Variants in COLEC12 observed in about 807,000 individuals in gnomAD.
COLEC12 encodes collectin subfamily member 12.
COLEC12 carries 33 observed loss-of-function variants against 71.1 expected under a neutral mutation model. The ratio of observed to expected loss-of-function variants is 0.46; its 90% CI spans 0.35 to 0.62. COLEC12 has a LOEUF of 0.62. COLEC12 is among the 20% of genes least tolerant of loss of function. The pLI is 0.00. For missense variants in COLEC12, 765 were observed against 916.1 expected, an observed-to-expected ratio of 0.84 and a Z score of 2.13; for synonymous variants, 350 against 353.0, an observed-to-expected ratio of 0.99 and a Z score of 0.10.
intron 2 of COLEC12, among the ~76,000 whole-genome samples, chr18:449,212 T>C (rs919100880): frequency 6.6e-6 from 1 of 152,166 alleles, no homozygotes; most frequent in South Asian, 2.1e-4. Flanking sequence ...TTTTACTCTC[T>C]AAGTTACACA....
intron 2 of COLEC12, among the ~76,000 whole-genome samples, chr18:473,405 C>A (rs181961209): frequency 1.3e-5 from 2 of 152,202 alleles, no homozygotes; most frequent in East Asian, 3.9e-4. Flanking sequence ...CTCTGTTGCC[C>A]AGGCTGGAGT....
intron 2 of COLEC12, among the ~76,000 whole-genome samples, chr18:422,345 C>T (rs755620838): frequency 6.6e-6 from 1 of 152,174 alleles, no homozygotes; most frequent in Non-Finnish European, 1.5e-5. Context: ...TTCCTAAGCC[C>T]TCAGTTCAAT....
chr18:436,946 G>A (rs185003797), intron 2 of COLEC12, among the ~76,000 whole-genome samples: 2 of 152,316 alleles, frequency 1.3e-5, no homozygotes, highest in Non-Finnish European at 2.9e-5. Flanking sequence ...ACGATGAGTA[G>A]CACAATACTT....
At chr18:394,006 G>T (rs1485139677) in intron 2 of COLEC12, among the ~76,000 whole-genome samples, 1 of 152,184 alleles carries the variant, frequency 6.6e-6, no homozygotes, top group East Asian at 1.9e-4. Context: ...CCCGGGTGCA[G>T]GTGGTGGCGT....
At chr18:349,044 C>T (rs1914447648) in intron 3 of COLEC12, among the ~76,000 whole-genome samples, 1 of 152,236 alleles carries the variant, frequency 6.6e-6, no homozygotes, top group South Asian at 2.1e-4. Context: ...GGGGTTTCCA[C>T]TTTTGCATCT....
chr18:433,643 C>T (rs1353685303), intron 2 of COLEC12, among the ~76,000 whole-genome samples: 3 of 152,042 alleles, frequency 2.0e-5, no homozygotes, highest in Admixed American at 1.3e-4. Context: ...ACCTGATCAT[C>T]GCATCCTGAA....
Position 500,453 on chromosome 18 carries a change from C to T in COLEC12, c.7+55G>A, listed in dbSNP as rs948589858. 18 of 1,199,930 alleles carry T rather than the reference C, an allele frequency of 1.5e-5. No homozygotes were observed. Among genetic ancestry groups the T allele is most frequent in the Non-Finnish European group, 1.8e-5 (17 of 962,586 alleles). The allele number at this position is 1,199,930 out of a possible 1,614,324, so 74.3% of individuals were successfully genotyped here. On this transcript the variant is annotated intron_variant, in intron 1 of 9. Transcript: ENST00000400256. The surrounding 1 kb of genome is among the most constrained non-coding windows in gnomAD (Gnocchi z 5.3). The stretch of plus-strand genomic sequence containing the variant: ...GGAGGCACCTCCGTGGCCTCCCGCG[C>T]GCCCCGAAGCCCGTTCCCCCCGCCC...
chr18:364,341 T>A (rs576355146), intron 2 of COLEC12, among the ~76,000 whole-genome samples: 1 of 152,332 alleles, frequency 6.6e-6, no homozygotes, highest in East Asian at 1.9e-4. Flanking sequence ...TATTTTCTCT[T>A]TGTGGTTTTT....
chr18:388,771 A>G (rs532485551), intron 2 of COLEC12, among the ~76,000 whole-genome samples: 1 of 152,328 alleles, frequency 6.6e-6, no homozygotes, highest in Admixed American at 6.5e-5. Context: ...TGTCACAGAA[A>G]TGGACTAAAC....
intron 2 of COLEC12, among the ~76,000 whole-genome samples, chr18:442,286 C>T (rs1916558335): frequency 6.6e-6 from 1 of 152,160 alleles, no homozygotes; most frequent in Non-Finnish European, 1.5e-5. Flanking sequence ...GTTTGATTGT[C>T]ATGTCTATTT....
intron 2 of COLEC12, among the ~76,000 whole-genome samples, chr18:374,590 G>C (rs936996935): frequency 6.6e-6 from 1 of 152,164 alleles, no homozygotes; most frequent in African/African-American, 2.4e-5. Flanking sequence ...TAGGAAGTAT[G>C]AGGATATCCT....
intron 2 of COLEC12, among the ~76,000 whole-genome samples, chr18:358,123 CCT>C (rs1222459293): frequency 6.6e-6 from 1 of 152,002 alleles, no homozygotes; most frequent in Non-Finnish European, 1.5e-5. Context: ...TCTCCCGCCC[CCT>C]GTCCATCCAT....
chr18:370,833 G>C (rs1914983141), intron 2 of COLEC12, among the ~76,000 whole-genome samples: 1 of 152,178 alleles, frequency 6.6e-6, no homozygotes, highest in Non-Finnish European at 1.5e-5. Flanking sequence ...AAAGCAACTA[G>C]AAGCTCAGGT....
intron 2 of COLEC12, among the ~76,000 whole-genome samples, chr18:414,376 G>A (rs957406580): frequency 1.3e-5 from 2 of 151,962 alleles, no homozygotes; most frequent in Non-Finnish European, 2.9e-5. Flanking sequence ...GATCACCTGA[G>A]GTACCTGAGG....
At chr18:488,364 T>A (rs1054552500) in intron 1 of COLEC12, among the ~76,000 whole-genome samples, 1 of 151,914 alleles carries the variant, frequency 6.6e-6, no homozygotes, top group Non-Finnish European at 1.5e-5. Flanking sequence ...TGATCTGAGA[T>A]AGCACCACTG....
chr18:398,913 C>G (rs748993843), intron 2 of COLEC12, among the ~76,000 whole-genome samples: 3 of 152,168 alleles, frequency 2.0e-5, no homozygotes, highest in African/African-American at 4.8e-5. Flanking sequence ...TATATTGATT[C>G]TAAGTGTCCA....
intron 2 of COLEC12, among the ~76,000 whole-genome samples, chr18:456,327 A>G (rs2143724402): frequency 6.6e-6 from 1 of 152,280 alleles, no homozygotes; most frequent in South Asian, 2.1e-4. Context: ...TACAAAACAC[A>G]AACCCCTCGC....
chr18:479,550 T>TCACA (rs71174235), intron 2 of COLEC12, among the ~76,000 whole-genome samples: 17,126 of 149,260 alleles, frequency 0.11, 967 homozygotes, highest in African/African-American at 0.14. Context: ...TCTCTCTCTC[T>TCACA]CACACACACA....
In COLEC12 at chr18:500,607, C is replaced by A; in HGVS notation, c.-93G>T. 9.4e-7 allele frequency: 1 copy of A among 1,065,922 alleles called. No homozygotes were observed. The highest frequency in any genetic ancestry group is 1.2e-6 in the Non-Finnish European group (1 of 848,836). 66.0% of individuals were successfully genotyped at this position (1,065,922 alleles called of 1,614,324 possible). ...CCCGAGCGGCTGCTCACCGCACGCC[C>A]ATGGTAGCCGCGCCGCGCGCCGGCC... On this transcript the variant is annotated 5_prime_UTR_variant, in exon 1 of 10. It removes an upstream start codon present in the reference 5' UTR. Coordinates refer to ENST00000400256, the MANE Select transcript of COLEC12 (RefSeq NM_130386.3). This position sits in a 1 kb window ranked among gnomAD's most constrained non-coding sequence, Gnocchi z 5.3.
Sources: allele counts gnomAD v4.1 joint callset (sites outside exome capture counted in the v4.1 genomes callset), GRCh38; gene constraint gnomAD v4.1.1; non-coding constraint Gnocchi (gnomAD v3.1); transcripts MANE v1.5; gene names NCBI Gene and HGNC (gene_info 2026-07-23, HGNC 2026-07-21).